The following ZBTB20 variants were observed in gnomAD, a reference collection of about 807,000 sequenced individuals.
The protein encoded by ZBTB20 is zinc finger and BTB domain containing 20.
A neutral mutation model predicts 56.9 loss-of-function variants in ZBTB20; 9 were observed. The ratio of observed to expected loss-of-function variants is 0.16; its 90% CI spans 0.10 to 0.28. The LOEUF (loss-of-function observed/expected upper bound fraction) is 0.28, where lower values mean the gene tolerates loss of function less well. Ranked by LOEUF, ZBTB20 falls within the 10% of genes least tolerant of loss-of-function variation. The pLI, the probability that ZBTB20 is intolerant of heterozygous loss-of-function variation, is 1.00. For synonymous variants in ZBTB20, 417 were observed against 420.7 expected (o/e 0.99, Z 0.11); for missense variants, 655 against 1,003.0 (o/e 0.65, Z 4.69).
At chr3:114,945,180 C>T (rs1350854625) in intron 3 of ZBTB20, among the ~76,000 whole-genome samples, 1 of 144,730 alleles carries the variant, frequency 6.9e-6, no homozygotes, top group African/African-American at 2.8e-5. Flanking sequence ...ATTCTCTAAC[C>T]AATGAAAGTA....
chr3:115,111,310 T>G (rs973951075), intron 1 of ZBTB20, among the ~76,000 whole-genome samples: 1 of 152,106 alleles, frequency 6.6e-6, no homozygotes, highest in East Asian at 1.9e-4. Context: ...ATGAAATCTG[T>G]ATTAATTACA....
chr3:114,627,684 CA>C (rs1439986194), intron 6 of ZBTB20, among the ~76,000 whole-genome samples: 2 of 152,164 alleles, frequency 1.3e-5, no homozygotes, highest in African/African-American at 2.4e-5. Flanking sequence ...GGAATTATAA[CA>C]AAATAATTCC....
chr3:114,738,249 C>G (rs571921009), intron 5 of ZBTB20, among the ~76,000 whole-genome samples: 10 of 151,878 alleles, frequency 6.6e-5, no homozygotes, highest in Admixed American at 1.3e-4. Flanking sequence ...ACAATAAGCA[C>G]TATATCATTG....
chr3:114,397,902 T>G (rs1267112612), intron 7 of ZBTB20, among the ~76,000 whole-genome samples: 2 of 152,112 alleles, frequency 1.3e-5, no homozygotes, highest in East Asian at 3.9e-4. Context: ...TCCAAACTCT[T>G]AAGCCTGGGC....
At chr3:114,794,727 C>A (rs1225800492) in intron 5 of ZBTB20, among the ~76,000 whole-genome samples, 1 of 151,950 alleles carries the variant, frequency 6.6e-6, no homozygotes, top group Non-Finnish European at 1.5e-5. Flanking sequence ...AAACCAATAT[C>A]TCTATTCTGG....
At chr3:114,792,613 C>G (rs2071041693) in intron 5 of ZBTB20, among the ~76,000 whole-genome samples, 1 of 152,054 alleles carries the variant, frequency 6.6e-6, no homozygotes, top group African/African-American at 2.4e-5. Flanking sequence ...AATACTTGTT[C>G]AAGTGTGTCA....
intron 6 of ZBTB20, among the ~76,000 whole-genome samples, chr3:114,506,604 A>AT (rs2044644426): frequency 6.6e-6 from 1 of 152,142 alleles, no homozygotes. Context: ...TTTCTCTTCT[A>AT]TATCTTAAAC....
At chr3:114,449,511 T>C (rs1322494051) in intron 7 of ZBTB20, among the ~76,000 whole-genome samples, 1 of 152,072 alleles carries the variant, frequency 6.6e-6, no homozygotes, top group African/African-American at 2.4e-5. Flanking sequence ...CGGAAAGTGT[T>C]AATAATCACT....
At chr3:114,434,482 T>C (rs1009182410) in intron 7 of ZBTB20, among the ~76,000 whole-genome samples, 1 of 151,924 alleles carries the variant, frequency 6.6e-6, no homozygotes, top group Non-Finnish European at 1.5e-5. Context: ...TTTTTCATTT[T>C]GTATTCCTCT....
chr3:115,107,722 AG>A (rs2083763391), intron 1 of ZBTB20, among the ~76,000 whole-genome samples: 1 of 152,258 alleles, frequency 6.6e-6, no homozygotes, highest in Non-Finnish European at 1.5e-5. Context: ...TATTTACAAT[AG>A]CAGACATGGA....
intron 4 of ZBTB20, among the ~76,000 whole-genome samples, chr3:114,848,121 T>C (rs1014894186): frequency 1.3e-5 from 2 of 152,140 alleles, no homozygotes; most frequent in Non-Finnish European, 2.9e-5. Flanking sequence ...CCATTGTTCG[T>C]GCTGCCAGAG....
At position 114,350,378 on chromosome 3, in the gene ZBTB20, C is replaced by T. The variant is rs1576281074; in HGVS notation, c.1700G>A (p.Ser567Asn). 1 of 1,614,182 alleles carries T rather than the reference C, an allele frequency of 6.2e-7. No individual in the cohort carries two copies. Among genetic ancestry groups the T allele is most frequent in the Non-Finnish European group, 8.5e-7 (1 of 1,180,028 alleles). The stretch of plus-strand genomic sequence containing the variant: ...TTTTTCGCCTTGCCCACTGGCTGTG[C>T]TGTGGCCTGCGGATGAGGCCAGGGG... ...PQPLASSAGH[S>N]TASGQGEKKP... Residue 567 changes from serine (S) to asparagine (N), a missense_variant, in exon 11 of 12, where the codon AGC (serine) becomes AAC (asparagine). Physicochemically the swap from Ser to Asn is conservative, Grantham distance 46 (BLOSUM62 1). This residue lies in a region of ZBTB20 where 71 missense variants were observed against 89.4 expected (regional missense o/e 0.79). Transcript: ENST00000675478.
At chr3:114,771,347 A>T (rs1009431901) in intron 5 of ZBTB20, among the ~76,000 whole-genome samples, 13 of 152,162 alleles carry the variant, frequency 8.5e-5, no homozygotes, top group Non-Finnish European at 4.4e-5. Flanking sequence ...ACTTAATTAG[A>T]TTTATTAAAT....
chr3:114,891,548 C>T (rs1034828870), intron 4 of ZBTB20, among the ~76,000 whole-genome samples: 1 of 152,098 alleles, frequency 6.6e-6, no homozygotes, highest in African/African-American at 2.4e-5. Flanking sequence ...CATAGCTTCT[C>T]TCAAAATATT....
Position 114,333,045 on chromosome 3 carries a change from T to C in ZBTB20, c.*5960A>G, listed in dbSNP as rs1253082034. On this transcript the variant is annotated 3_prime_UTR_variant, in exon 12 of 12. Transcript: ENST00000675478. Reference sequence around the variant, plus strand: ...ATTCCCAGGGATCGGCTAAGGTACATTGCTGACTGCTATAGACTCAGTGTT... The same window carrying C: ...ATTCCCAGGGATCGGCTAAGGTACACTGCTGACTGCTATAGACTCAGTGTT... 2.0e-5 allele frequency: 3 copies of C among 152,184 alleles called. No homozygotes were observed. The highest frequency in any genetic ancestry group is 6.5e-5 in the Admixed American group (1 of 15,288). The allele number at this position is 152,184 out of a possible 1,614,324, so 9.4% of individuals were successfully genotyped here.
intron 8 of ZBTB20, among the ~76,000 whole-genome samples, chr3:114,385,884 C>A (rs928481441): frequency 2.0e-5 from 3 of 152,144 alleles, no homozygotes; most frequent in African/African-American, 7.2e-5. Flanking sequence ...CATTTCCCTT[C>A]ATTTCAGTAA....
At chr3:114,384,100 T>TTCTCTCTCTCTCTCTCTCTCTC (rs57746371) in intron 8 of ZBTB20, among the ~76,000 whole-genome samples, 1 of 139,242 alleles carries the variant, frequency 7.2e-6, no homozygotes, top group African/African-American at 2.8e-5. Context: ...TCAGTTCTCA[T>TTCTCTCTCTCTCTCTCTCTCTC]TCTCTCTCTC....
intron 4 of ZBTB20, among the ~76,000 whole-genome samples, chr3:114,839,469 G>GAAAGAA (rs1560306957): frequency 3.7e-4 from 27 of 72,546 alleles, no homozygotes; most frequent in South Asian, 4.4e-4. Context: ...GAAAGAAAGA[G>GAAAGAA]AGAGAGAAAG....
intron 6 of ZBTB20, among the ~76,000 whole-genome samples, chr3:114,655,205 TG>T (rs2060330501): frequency 6.6e-6 from 1 of 151,536 alleles, no homozygotes; most frequent in Non-Finnish European, 1.5e-5. Flanking sequence ...TTTTTTCTTT[TG>T]GGTTTTTGTC....
Sources: gnomAD v4.1 joint callset for allele counts (sites outside exome capture counted in the v4.1 genomes callset) on GRCh38, gnomAD v4.1.1 for gene constraint, gnomAD v4.1.1 regional missense constraint, MANE v1.5 for transcripts, NCBI Gene and HGNC (gene_info 2026-07-23, HGNC 2026-07-21) for gene names.